Variants in FN1 observed in about 807,000 individuals in gnomAD.
FN1 encodes the protein fibronectin.
FN1 carries 106 observed loss-of-function variants against 297.3 expected under a neutral mutation model. That is an observed-to-expected ratio of 0.36 (90% CI 0.30 to 0.42). The LOEUF (loss-of-function observed/expected upper bound fraction) is 0.42. FN1 is among the 10% of genes least tolerant of loss of function. The pLI, the probability that FN1 is intolerant of heterozygous loss-of-function variation, is 1.00. For synonymous variants in FN1, 1,149 were observed against 1,152.6 expected (o/e 1.00, Z 0.06); for missense variants, 2,690 against 3,124.9 (o/e 0.86, Z 3.32).
At chr2:215,406,610 A>C in intron 18 of FN1, 100 bp from the exon 19 acceptor site, 1 of 1,277,350 alleles carries the variant, frequency 7.8e-7, no homozygotes, top group Non-Finnish European at 1.1e-6. Flanking sequence ...TGAGCCTCTC[A>C]TTCGAGAGTT....
At chr2:215,386,614 C>A (rs1575435947) in intron 28 of FN1, 75 bp downstream of exon 28, 28 of 635,166 alleles carry the variant, frequency 4.4e-5, no homozygotes, top group Non-Finnish European at 5.4e-5. Flanking sequence ...TGACAGACAA[C>A]AGCAAGCTAC....
In FN1 at chr2:215,435,877, G is replaced by A; in HGVS notation, c.-75C>T. ...AAGTTTGCTTCCCTTCGCAACCTGC[G>A]GGAAAAATCCCTTCTAATGCCTCCC... On this transcript the variant is annotated 5_prime_UTR_variant, in exon 1 of 46. Coordinates refer to ENST00000354785, the MANE Select transcript of FN1 (RefSeq NM_212482.4). 13 of 1,485,738 alleles carry A rather than the reference G, an allele frequency of 8.7e-6. No homozygotes were observed. The highest frequency in any genetic ancestry group is 1.2e-5 in the Non-Finnish European group (13 of 1,120,480). 92.0% of individuals were successfully genotyped at this position (1,485,738 alleles called of 1,614,324 possible). A position where few individuals can be genotyped will look rare whatever the true frequency, so the allele number is the denominator to read the frequency against.
At chr2:215,424,681 C>A (rs898094233) in intron 7 of FN1, among the ~76,000 whole-genome samples, 1 of 152,118 alleles carries the variant, frequency 6.6e-6, no homozygotes, top group Admixed American at 6.5e-5. Context: ...ATATATGAGA[C>A]TATTCTGGGG....
chr2:215,406,617 A>G, intron 18 of FN1, 107 bp from the exon 19 acceptor site: 1 of 1,114,336 alleles, frequency 9.0e-7, no homozygotes, highest in Non-Finnish European at 1.3e-6. Context: ...CTCATTCGAG[A>G]GTTTTGCTAA....
At chr2:215,368,296 A>G (rs1326071457) in intron 41 of FN1, among the ~76,000 whole-genome samples, 1 of 152,176 alleles carries the variant, frequency 6.6e-6, no homozygotes, top group African/African-American at 2.4e-5. Flanking sequence ...AAACTACTTC[A>G]TAGAACATGG....
At chr2:215,425,963 A>G (rs976266227) in intron 6 of FN1, among the ~76,000 whole-genome samples, 18 of 152,256 alleles carry the variant, frequency 1.2e-4, no homozygotes, top group South Asian at 6.2e-4. Context: ...AACCGAGCTC[A>G]TCAGAGGGTG....
intron 13 of FN1, among the ~76,000 whole-genome samples, chr2:215,410,611 G>A (rs922026989): frequency 7.3e-5 from 11 of 151,476 alleles, no homozygotes; most frequent in African/African-American, 1.7e-4. Flanking sequence ...AGGTTTAAGC[G>A]CTTCTCCTGC....
At chr2:215,396,090 T>C (rs1575522904) in intron 23 of FN1, among the ~76,000 whole-genome samples, 2 of 152,244 alleles carry the variant, frequency 1.3e-5, no homozygotes, top group Non-Finnish European at 2.9e-5. Flanking sequence ...TTAGAGATGA[T>C]AGCCTTAGCT....
chr2:215,432,775 T>A (rs1459233036), intron 3 of FN1, among the ~76,000 whole-genome samples: 1 of 152,228 alleles, frequency 6.6e-6, no homozygotes, highest in African/African-American at 2.4e-5. Flanking sequence ...GCAAACTCTA[T>A]TGGGTTAATA....
At chr2:215,426,092 C>CAGCTTTCCTT in intron 6 of FN1, among the ~76,000 whole-genome samples, 1 of 151,706 alleles carries the variant, frequency 6.6e-6, no homozygotes, top group East Asian at 1.9e-4. Flanking sequence ...CCTCTTAAGA[C>CAGCTTTCCTT]AGCTTTCCTT....
intron 21 of FN1, 103 bp from the exon 22 acceptor site, chr2:215,397,951 A>G: frequency 1.0e-6 from 1 of 981,506 alleles, no homozygotes. Context: ...AACTCTTCAG[A>G]AACTGCACAG....
intron 42 of FN1, among the ~76,000 whole-genome samples, chr2:215,365,966 ATTTTTTT>A (rs559516647): frequency 1.9e-4 from 17 of 90,354 alleles, no homozygotes; most frequent in South Asian, 7.4e-4. Flanking sequence ...CCACAGTGCT[ATTTTTTT>A]TTTTTTTTTT....
chr2:215,431,372 A>G (rs1031600988), intron 4 of FN1, among the ~76,000 whole-genome samples: 2 of 152,228 alleles, frequency 1.3e-5, no homozygotes. Context: ...ACAAAATTCA[A>G]CTGAGGATTG....
In FN1 at chr2:215,419,308, A is replaced by G; in HGVS notation, c.1753T>C (p.Tyr585His). 6.2e-7 allele frequency: 1 copy of G among 1,613,228 alleles called. No individual in the cohort carries two copies. The highest frequency in any genetic ancestry group is 1.3e-5 in the African/African-American group (1 of 75,034). The change falls in exon 12 of 46, where the codon TAC becomes CAC. Residue 585 changes from tyrosine to histidine, a missense_variant. Physicochemically the swap from Tyr to His is moderately conservative, Grantham distance 83 (BLOSUM62 2). Transcript: ENST00000354785. Reference protein sequence around the residue: ...SWEKYVHGVRYQCYCYGRGIG... With the variant: ...SWEKYVHGVRHQCYCYGRGIG... ...CCACGGCCATAGCAGTAGCACTGGT[A>G]TCTGACACCATGCACATACTTCTCC...
chr2:215,372,508 C>A (rs369613285), intron 39 of FN1, 133 bp from the exon 40 acceptor site: 2 of 718,838 alleles, frequency 2.8e-6, no homozygotes, highest in Non-Finnish European at 5.0e-6. Flanking sequence ...ATGAGCAGTT[C>A]TGAGATCACA....
rs1414049390 is a variant in FN1 at position 215,368,676 on chromosome 2, G to A, written c.6854-649C>T. Among the ~76,000 whole-genome samples, 3 of 152,192 alleles carry A rather than the reference G, an allele frequency of 2.0e-5. No individual in the cohort carries two copies. In the Middle Eastern group the frequency reaches 0.01, roughly 518 times the overall value. ...TAATTTTTGCATAATAGTGCAGAAA[G>A]CCTAGATTTTGGACATTGTTATTAT... On this transcript the variant is annotated intron_variant, in intron 41 of 45. Transcript: ENST00000354785.
Position 215,428,166 on chromosome 2 carries a change from G to T in FN1, c.844+14C>A. ...GCTTCCCCATTTCCCGCCCCTGCTCGTCCTGTGCCTCACCGCTCGATGTGG... is the reference window on the plus strand; with the variant it reads ...GCTTCCCCATTTCCCGCCCCTGCTCTTCCTGTGCCTCACCGCTCGATGTGG... On this transcript the variant is annotated intron_variant, in intron 6 of 45. Transcript: ENST00000354785. The T allele has an allele frequency of 1.9e-6, 3 of 1,613,674 alleles. No individual in the cohort carries two copies. The highest frequency in any genetic ancestry group is 2.5e-6 in the Non-Finnish European group (3 of 1,179,978).
At chr2:215,425,745 C>T (rs185292189) in intron 6 of FN1, among the ~76,000 whole-genome samples, 158 of 152,032 alleles carry the variant, frequency 1.0e-3, no homozygotes, top group Admixed American at 2.3e-3. Context: ...TTAGTAGAGA[C>T]GGGGTTTTGC....
At position 215,380,940 on chromosome 2, in the gene FN1, G is replaced by C; in HGVS notation, c.5305C>G (p.Pro1769Ala). 6.2e-7 allele frequency: 1 copy of C among 1,614,236 alleles called. No individual in the cohort carries two copies. The highest frequency in any genetic ancestry group is 8.5e-7 in the Non-Finnish European group (1 of 1,180,056). ...GTGTCTTCTTCACCATCAGGTGCAG[G>C]GAATAGCTCATGGATTCCATCCTCA... ...SPEDGIHELFPAPDGEEDTAE... is the reference protein window; with the variant it reads ...SPEDGIHELFAAPDGEEDTAE... The change falls in exon 33 of 46, where the codon CCT becomes GCT. Residue 1769 changes from proline to alanine, a missense_variant. Pro to Ala is a conservative substitution (Grantham distance 27, BLOSUM62 -1). This residue lies in a region of FN1 where 1,743 missense variants were observed against 1,945.2 expected (regional missense o/e 0.90). Coordinates refer to ENST00000354785, the MANE Select transcript of FN1 (RefSeq NM_212482.4).
Sources: gnomAD v4.1 joint callset for allele counts (sites outside exome capture counted in the v4.1 genomes callset) on GRCh38, gnomAD v4.1.1 for gene constraint, gnomAD v4.1.1 regional missense constraint, MANE v1.5 for transcripts, NCBI Gene and HGNC (gene_info 2026-07-23, HGNC 2026-07-21) for gene names.